The following C6orf132 variants were observed in gnomAD, a reference collection of about 807,000 sequenced individuals.
C6orf132 encodes the protein chromosome 6 open reading frame 132.
C6orf132 carries 43 observed loss-of-function variants against 65.3 expected under a neutral mutation model. The observed-to-expected ratio is 0.66, with a 90% CI of 0.52 to 0.85. The LOEUF is 0.85. Among genes scored for constraint, C6orf132 ranks in the 40% least tolerant of loss-of-function variants. The pLI is 0.00. For synonymous variants in C6orf132, 631 were observed against 654.1 expected (o/e 0.96, Z 0.54); for missense variants, 1,488 against 1,548.8 (o/e 0.96, Z 0.66).
chr6:42,109,476 G>T (rs551040803), intron 3 of C6orf132, among the ~76,000 whole-genome samples: 1 of 151,630 alleles, frequency 6.6e-6, no homozygotes, highest in African/African-American at 2.4e-5. Context: ...AGAAGGCCTC[G>T]CAGAGAAGGT....
In C6orf132 at chr6:42,107,054, G is replaced by A. The variant is rs768014198; in HGVS notation, c.858C>T (p.Ser286=). ...PPRSPAEPKG[S]ALGPNPEPHL... ...GGGGCTCTGGGTTAGGTCCCAGGGC[G>A]CTCCCCTTTGGCTCAGCAGGGCTTC... The change falls in exon 4 of 5, where the codon AGC becomes AGT. Residue 286 remains serine (S), a synonymous_variant. Transcript: ENST00000341865. 32 of 1,503,326 alleles carry A rather than the reference G, an allele frequency of 2.1e-5. No homozygotes were observed. Among genetic ancestry groups the A allele is most frequent in the Non-Finnish European group, 2.2e-5 (25 of 1,127,880 alleles). The allele number at this position is 1,503,326 out of a possible 1,614,324, so 93.1% of individuals were successfully genotyped here.
chr6:42,125,211 G>A (rs745353175), intron 2 of C6orf132, among the ~76,000 whole-genome samples: 1 of 152,270 alleles, frequency 6.6e-6, no homozygotes, highest in South Asian at 2.1e-4. Flanking sequence ...GGTGGAGGGA[G>A]AGTAGAACGG....
rs937689244 is a variant in C6orf132 at position 42,124,030 on chromosome 6, C to T, written c.252+4642G>A. Among the ~76,000 whole-genome samples, 5 of 152,212 alleles carry T rather than the reference C, an allele frequency of 3.3e-5. No homozygotes were observed. The highest frequency in any genetic ancestry group is 4.8e-5 in the African/African-American group (2 of 41,466). ...GAGCTGACCACACCATCTACCCTTC[C>T]GTTAGGAAGTCATTTTAACACAGAA... On this transcript the variant is annotated intron_variant, in intron 2 of 4. Transcript: ENST00000341865. This position sits in a 1 kb window ranked among gnomAD's most constrained non-coding sequence, Gnocchi z 4.0.
chr6:42,119,307 C>T (rs1472906560), intron 2 of C6orf132, among the ~76,000 whole-genome samples: 2 of 129,482 alleles, frequency 1.5e-5, no homozygotes, highest in African/African-American at 2.9e-5. Flanking sequence ...AAGTTTGGTA[C>T]TACAGGTGCA....
rs1025193922 is a variant in C6orf132 at position 42,103,397 on chromosome 6, A to C, written c.*364T>G. The stretch of plus-strand genomic sequence containing the variant: ...AGTCAGTGCCCCACCCCTTGCTTTC[A>C]GAACCTGCTCAGTAGGCCGTGCTTG... On this transcript the variant is annotated 3_prime_UTR_variant, in exon 5 of 5. Coordinates refer to ENST00000341865, the MANE Select transcript of C6orf132 (RefSeq NM_001164446.3). 2.5e-5 allele frequency: 10 copies of C among 396,548 alleles called. No individual in the cohort carries two copies. The highest frequency in any genetic ancestry group is 4.0e-5 in the Non-Finnish European group (9 of 225,468). The allele number at this position is 396,548 out of a possible 1,614,324, so 24.6% of individuals were successfully genotyped here.
chr6:42,124,244 G>A lies in C6orf132; in HGVS notation c.252+4428C>T, dbSNP rs1475179974. Among the ~76,000 whole-genome samples, 1 of 152,212 alleles carries A rather than the reference G, an allele frequency of 6.6e-6. No homozygotes were observed. Among genetic ancestry groups the A allele is most frequent in the African/African-American group, 2.4e-5 (1 of 41,460 alleles). On this transcript the variant is annotated intron_variant, in intron 2 of 4. Transcript: ENST00000341865. This position sits in a 1 kb window ranked among gnomAD's most constrained non-coding sequence, Gnocchi z 4.0. ...ATCCCAGCCACTGAGGGATCCCGAG[G>A]TCCTTTTCCTAGCTGGCCTTTGGCT...
intron 1 of C6orf132, among the ~76,000 whole-genome samples, chr6:42,136,913 A>C (rs1365207482): frequency 6.6e-6 from 1 of 152,146 alleles, no homozygotes; most frequent in Non-Finnish European, 1.5e-5. Flanking sequence ...GGTGGGACTA[A>C]GGGGGAGGAG....
At position 42,106,952 on chromosome 6, in the gene C6orf132, TG is replaced by T. The variant is rs1766420555; in HGVS notation, c.959del (p.Ala320AspfsTer197). 1 of 1,535,818 alleles carries T rather than the reference TG, an allele frequency of 6.5e-7. No individual in the cohort carries two copies. Among genetic ancestry groups the T allele is most frequent in the African/African-American group, 1.4e-5 (1 of 72,656 alleles). On this transcript the variant is annotated frameshift_variant, in exon 4 of 5. Transcript: ENST00000341865. LOFTEE classifies it high-confidence loss of function. The stretch of plus-strand genomic sequence containing the variant: ...CCTCTTCCTTTCGGGGAGCCTCTTG[TG>T]CTTCCTGAACTGGGATGGACGAAGT... ...VRTSSIPVQE[A>X]QEAPRKEEGA...
At chr6:42,118,143 G>A (rs758016984) in intron 2 of C6orf132, among the ~76,000 whole-genome samples, 7 of 152,276 alleles carry the variant, frequency 4.6e-5, no homozygotes, top group East Asian at 1.9e-4. Flanking sequence ...CACCTGCGTC[G>A]TGTGGGCAGT....
intron 1 of C6orf132, among the ~76,000 whole-genome samples, chr6:42,136,811 C>T (rs1766950246): frequency 1.3e-5 from 2 of 151,984 alleles, no homozygotes; most frequent in African/African-American, 4.8e-5. Flanking sequence ...GAAGATTCGA[C>T]TGGAGTGGAG....
rs1215905602 is a variant in C6orf132 at position 42,124,650 on chromosome 6, T to G, written c.252+4022A>C. Among the ~76,000 whole-genome samples, 1 of 152,188 alleles carries G rather than the reference T, an allele frequency of 6.6e-6. No individual in the cohort carries two copies. The highest frequency in any genetic ancestry group is 2.4e-5 in the African/African-American group (1 of 41,464). ...CACCGGCCCAGCTCCCCACCCACCC[T>G]GACTTGGTGGGGCTGGGGGACGGGG... On this transcript the variant is annotated intron_variant, in intron 2 of 4. Coordinates refer to ENST00000341865, the MANE Select transcript of C6orf132 (RefSeq NM_001164446.3). This position sits in a 1 kb window ranked among gnomAD's most constrained non-coding sequence, Gnocchi z 4.0.
rs1216880822 is a variant in C6orf132, at chr6:42,104,916, G to C, written c.2996C>G (p.Pro999Arg). ...PPEFSNDPEP[P>R]APALQYLGRQ... is the part of the protein sequence containing the mutation. ...GCCCAGATACTGGAGGGCCGGGGCC[G>C]GGGGCTCAGGGTCATTGCTGAACTC... The change falls in exon 4 of 5, where the codon CCG becomes CGG. Residue 999 changes from proline (P) to arginine (R), a missense_variant. Pro to Arg is a moderately radical substitution (Grantham distance 103, BLOSUM62 -2). Coordinates refer to ENST00000341865, the MANE Select transcript of C6orf132 (RefSeq NM_001164446.3). The surrounding 1 kb of genome is among the most constrained non-coding windows in gnomAD (Gnocchi z 4.1). 8 of 1,454,890 alleles carry C rather than the reference G, an allele frequency of 5.5e-6. No homozygotes were observed. The highest frequency in any genetic ancestry group is 1.4e-5 in the South Asian group (1 of 71,170). The allele number at this position is 1,454,890 out of a possible 1,614,324, so 90.1% of individuals were successfully genotyped here.
At chr6:42,120,400 C>A (rs1313009914) in intron 2 of C6orf132, among the ~76,000 whole-genome samples, 1 of 151,706 alleles carries the variant, frequency 6.6e-6, no homozygotes, top group Admixed American at 6.6e-5. Context: ...GCACCCACCA[C>A]CACGTCCAGT....
intron 2 of C6orf132, among the ~76,000 whole-genome samples, chr6:42,116,407 C>G (rs904122506): frequency 6.6e-6 from 1 of 152,072 alleles, no homozygotes; most frequent in African/African-American, 2.4e-5. Flanking sequence ...CCTTGCAAAC[C>G]CAGCTGGTCA....
intron 2 of C6orf132, among the ~76,000 whole-genome samples, chr6:42,123,787 C>T (rs917059786): frequency 6.6e-6 from 1 of 152,116 alleles, no homozygotes; most frequent in Non-Finnish European, 1.5e-5. Context: ...CTGGACAGGG[C>T]CCTCCCCTCC....
At position 42,113,162 on chromosome 6, in the gene C6orf132, C is replaced by T. The variant is rs1198915828; in HGVS notation, c.253-2871G>A. ...TGCAAATCACTGACATTCTAATAAC[C>T]TCCATCAAGTACACACACTCTGATT... On this transcript the variant is annotated intron_variant, in intron 2 of 4. Coordinates refer to ENST00000341865, the MANE Select transcript of C6orf132 (RefSeq NM_001164446.3). 3.9e-5 allele frequency among the ~76,000 whole-genome samples: 6 copies of T among 152,306 alleles called. No individual in the cohort carries two copies. In the East Asian group the frequency reaches 1.2e-3, roughly 29 times the overall value.
intron 3 of C6orf132, among the ~76,000 whole-genome samples, chr6:42,108,023 G>GTTCA (rs770931531): frequency 2.6e-5 from 4 of 152,152 alleles, no homozygotes; most frequent in Non-Finnish European, 4.4e-5. Context: ...CTCCCACTAT[G>GTTCA]TTCAGTCCCT....
intron 2 of C6orf132, among the ~76,000 whole-genome samples, chr6:42,112,780 T>C (rs1218547518): frequency 6.6e-6 from 1 of 152,188 alleles, no homozygotes; most frequent in Non-Finnish European, 1.5e-5. Flanking sequence ...AGCCCAGTTG[T>C]TAGTGATGGG....
intron 2 of C6orf132, among the ~76,000 whole-genome samples, chr6:42,126,146 A>G (rs958104529): frequency 9.2e-5 from 14 of 151,894 alleles, no homozygotes; most frequent in African/African-American, 2.2e-4. Context: ...CAGTGGTGCA[A>G]TCTTGGCTCA....
Sources: gnomAD v4.1 joint callset for allele counts (sites outside exome capture counted in the v4.1 genomes callset) on GRCh38, gnomAD v4.1.1 for gene constraint, Gnocchi (gnomAD v3.1) non-coding constraint, MANE v1.5 for transcripts, NCBI Gene and HGNC (gene_info 2026-07-23, HGNC 2026-07-21) for gene names.